TRHDE: variants seen among roughly 807,000 people sequenced by gnomAD.
TRHDE encodes the protein thyrotropin releasing hormone degrading enzyme.
A neutral mutation model predicts 125.7 loss-of-function variants in TRHDE; 72 were observed. The observed-to-expected ratio is 0.57, with a 90% confidence interval of 0.47 to 0.70. The LOEUF is 0.70. Among genes scored for constraint, TRHDE ranks in the 30% least tolerant of loss-of-function variants. The pLI is 0.00. For missense variants in TRHDE, 1,110 were observed against 1,327.1 expected, an observed-to-expected ratio of 0.84 and a Z score of 2.54; for synonymous variants, 509 against 509.1, an observed-to-expected ratio of 1.00 and a Z score of 0.00.
At chr12:72,134,958 A>T (rs1875947634) in intron 2 of TRHDE, among the ~76,000 whole-genome samples, 1 of 151,962 alleles carries the variant, frequency 6.6e-6, no homozygotes, top group African/African-American at 2.4e-5. Flanking sequence ...TTGACGCTAG[A>T]CTCTTTATGT....
chr12:72,512,625 A>G (rs1592501562), intron 6 of TRHDE, among the ~76,000 whole-genome samples: 2 of 142,786 alleles, frequency 1.4e-5, no homozygotes, highest in African/African-American at 5.1e-5. Context: ...ATAATCATAT[A>G]TATCATATTA....
intron 5 of TRHDE, among the ~76,000 whole-genome samples, chr12:72,473,585 A>G (rs1347013563): frequency 6.6e-6 from 1 of 152,094 alleles, no homozygotes; most frequent in African/African-American, 2.4e-5. Flanking sequence ...AAAAGATACG[A>G]TGTATTATTG....
At position 72,563,057 on chromosome 12, in the gene TRHDE, T is replaced by C. The variant is rs1565791401; in HGVS notation, c.2042+17T>C. ...GAATAACAGGTATGACATTCTTTTT[T>C]ACGTGAAAAATATTGTTTTTATTCT... On this transcript the variant is annotated intron_variant, in intron 9 of 18. Coordinates refer to ENST00000261180, the MANE Select transcript of TRHDE (RefSeq NM_013381.3). The C allele has an allele frequency of 1.8e-5, 27 of 1,526,384 alleles. No individual in the cohort carries two copies. Among genetic ancestry groups the C allele is most frequent in the Non-Finnish European group, 2.4e-5 (27 of 1,127,712 alleles). 94.6% of individuals were successfully genotyped at this position (1,526,384 alleles called of 1,614,324 possible).
At chr12:72,210,507 A>T (rs1302370760) in intron 2 of TRHDE, among the ~76,000 whole-genome samples, 1 of 152,222 alleles carries the variant, frequency 6.6e-6, no homozygotes, top group Non-Finnish European at 1.5e-5. Flanking sequence ...ATAATGTTCA[A>T]TATTTGTGTT....
intron 3 of TRHDE, among the ~76,000 whole-genome samples, chr12:72,398,523 C>T (rs1440475987): frequency 2.0e-5 from 3 of 152,114 alleles, no homozygotes; most frequent in Admixed American, 6.6e-5. Flanking sequence ...AATTTTATCA[C>T]GATATTCTTA....
intron 15 of TRHDE, among the ~76,000 whole-genome samples, chr12:72,633,115 T>G (rs1231088450): frequency 6.6e-6 from 1 of 152,056 alleles, no homozygotes. Context: ...TATATATTAC[T>G]TAAACTTAGA....
intron 6 of TRHDE, among the ~76,000 whole-genome samples, chr12:72,521,020 A>C (rs1285106093): frequency 6.6e-6 from 1 of 152,220 alleles, no homozygotes; most frequent in Non-Finnish European, 1.5e-5. Flanking sequence ...ATAGCTCGTG[A>C]GTAGCAGAAC....
chr12:72,325,315 C>A (rs1295822481), intron 2 of TRHDE, among the ~76,000 whole-genome samples: 1 of 152,024 alleles, frequency 6.6e-6, no homozygotes, highest in Non-Finnish European at 1.5e-5. Context: ...TAACACTGCC[C>A]ACTAAAGAGA....
intron 3 of TRHDE, among the ~76,000 whole-genome samples, chr12:72,389,042 T>C (rs1004226059): frequency 2.6e-5 from 4 of 151,998 alleles, no homozygotes; most frequent in Non-Finnish European, 2.9e-5. Context: ...CCTGTCCTCA[T>C]TGGACTTTTA....
rs187972879 is a variant in TRHDE, at chr12:72,561,654, A to G, written c.1789-511A>G. ...AAATCCATGGAAATAAGTATTTATC[A>G]TTATTGTAATAGGCAGCCTTTCCTT... On this transcript the variant is annotated intron_variant, in intron 7 of 18. Transcript: ENST00000261180. Among the ~76,000 whole-genome samples the G allele has an allele frequency of 2.2e-3, 342 of 152,344 alleles. 6 individuals carry two copies. The highest frequency in any genetic ancestry group is 7.5e-3 in the South Asian group (36 of 4,832).
chr12:72,430,509 C>A (rs1874430608), intron 3 of TRHDE, among the ~76,000 whole-genome samples: 1 of 149,438 alleles, frequency 6.7e-6, no homozygotes, highest in Non-Finnish European at 1.5e-5. Context: ...TTTTCTGATA[C>A]CAGTTTTTGA....
chr12:72,390,914 T>C (rs1872590114), intron 3 of TRHDE, among the ~76,000 whole-genome samples: 1 of 152,164 alleles, frequency 6.6e-6, no homozygotes, highest in South Asian at 2.1e-4. Flanking sequence ...CTGAGTGAGA[T>C]GTATTTATTT....
intron 13 of TRHDE, 135 bp downstream of exon 13, chr12:72,619,173 GA>G: frequency 1.7e-6 from 1 of 588,762 alleles, no homozygotes; most frequent in Non-Finnish European, 2.7e-6. Flanking sequence ...TTTTTGTCCT[GA>G]TTGTCTATGC....
chr12:72,314,159 C>A (rs971015568), intron 2 of TRHDE, among the ~76,000 whole-genome samples: 1 of 152,156 alleles, frequency 6.6e-6, no homozygotes, highest in Admixed American at 6.5e-5. Context: ...CTTAGCAGTT[C>A]TTGACAAAAA....
chr12:72,322,868 G>T (rs1025021877), intron 2 of TRHDE, among the ~76,000 whole-genome samples: 2 of 152,082 alleles, frequency 1.3e-5, no homozygotes, highest in African/African-American at 4.8e-5. Context: ...TGGATATAGG[G>T]GGTGCAGAAG....
chr12:72,297,879 A>G (rs116683356), intron 2 of TRHDE, among the ~76,000 whole-genome samples: 4,556 of 152,270 alleles, frequency 0.03, 237 homozygotes, highest in African/African-American at 0.1. Context: ...CTGGAGGGAC[A>G]TGTTAACAAC....
intron 2 of TRHDE, among the ~76,000 whole-genome samples, chr12:72,146,273 C>T (rs952304885): frequency 5.3e-5 from 8 of 152,206 alleles, no homozygotes; most frequent in African/African-American, 1.9e-4. Flanking sequence ...TGTTTCCTCA[C>T]TCTTAGACTA....
intron 15 of TRHDE, among the ~76,000 whole-genome samples, chr12:72,648,727 A>G (rs1874382616): frequency 6.6e-6 from 1 of 152,076 alleles, no homozygotes; most frequent in Non-Finnish European, 1.5e-5. Context: ...TGGGAGGATC[A>G]CTTGAGGCCA....
intron 2 of TRHDE, among the ~76,000 whole-genome samples, chr12:72,330,773 C>T (rs945889999): frequency 6.6e-6 from 1 of 152,104 alleles, no homozygotes; most frequent in Non-Finnish European, 1.5e-5. Flanking sequence ...AGTGGGTAGT[C>T]CCTCCTGTGC....
Sources: gnomAD v4.1 joint callset for allele counts (sites outside exome capture counted in the v4.1 genomes callset) on GRCh38, gnomAD v4.1.1 for gene constraint, MANE v1.5 for transcripts, NCBI Gene and HGNC (gene_info 2026-07-23, HGNC 2026-07-21) for gene names.